LAMC3: variants seen among roughly 807,000 people sequenced by gnomAD.
The protein encoded by LAMC3 is laminin subunit gamma 3.
LAMC3 carries 128 observed loss-of-function variants against 173.8 expected under a neutral mutation model. The observed-to-expected ratio is 0.74, with a 90% CI of 0.64 to 0.85. The LOEUF (loss-of-function observed/expected upper bound fraction) is 0.85, where lower values mean the gene tolerates loss of function less well. Ranked by LOEUF, LAMC3 falls within the 40% of genes least tolerant of loss-of-function variation. LAMC3 has a pLI of 0.00. For synonymous variants in LAMC3, 897 were observed against 909.1 expected (o/e 0.99, Z 0.24); for missense variants, 2,022 against 2,156.0 (o/e 0.94, Z 1.23).
chr9:131,044,809 A>C (rs1437006133), intron 7 of LAMC3, among the ~76,000 whole-genome samples: 1 of 152,234 alleles, frequency 6.6e-6, no homozygotes, highest in Non-Finnish European at 1.5e-5. Context: ...AGTGGCAGAC[A>C]AGGAAAGACT....
chr9:131,077,409 G>T, intron 22 of LAMC3, 75 bp downstream of exon 22: 1 of 1,576,254 alleles, frequency 6.3e-7, no homozygotes, highest in Admixed American at 1.7e-5. Flanking sequence ...GGGCACGGTG[G>T]CTCACGCCTG....
At chr9:131,039,863 G>A (rs1834015620) in intron 6 of LAMC3, among the ~76,000 whole-genome samples, 1 of 151,930 alleles carries the variant, frequency 6.6e-6, no homozygotes, top group Non-Finnish European at 1.5e-5. Flanking sequence ...ACCGAGTTTG[G>A]TACCTAGTGG....
At chr9:131,022,403 T>C (rs537237155) in intron 1 of LAMC3, among the ~76,000 whole-genome samples, 1 of 151,858 alleles carries the variant, frequency 6.6e-6, no homozygotes, top group East Asian at 2.0e-4. Flanking sequence ...ACAGCTATCA[T>C]AACACCACAA....
At position 131,052,903 on chromosome 9, in the gene LAMC3, A is replaced by G. The variant is rs1834324523; in HGVS notation, c.1877A>G (p.Gln626Arg). 6.2e-7 allele frequency: 1 copy of G among 1,610,440 alleles called. No individual in the cohort carries two copies. The highest frequency in any genetic ancestry group is 8.5e-7 in the Non-Finnish European group (1 of 1,179,468). The stretch of plus-strand genomic sequence containing the variant: ...CCTCCACTGCCCCCCTTCCACTTCC[A>G]GCGGCTCCTCGCCAACCTGACCAGC... ...VAPPLPPFHFQRLLANLTSLR... is the reference protein window; with the variant it reads ...VAPPLPPFHFRRLLANLTSLR... Residue 626 changes from glutamine to arginine, a missense_variant, in exon 11 of 28, where the codon CAG becomes CGG. Coordinates refer to ENST00000361069, the MANE Select transcript of LAMC3 (RefSeq NM_006059.4).
rs1268963144 is a variant in LAMC3 at position 131,029,293 on chromosome 9, T to C, written c.678+2704T>C. On this transcript the variant is annotated intron_variant, in intron 2 of 27. Transcript: ENST00000361069. This position sits in a 1 kb window ranked among gnomAD's most constrained non-coding sequence, Gnocchi z 4.6. ...CCCACTAAAATTGTACATGTCACCA[T>C]GATTTTATTTAAAAATTACAATTTC... 6.6e-6 allele frequency among the ~76,000 whole-genome samples: 1 copy of C among 152,240 alleles called. No individual in the cohort carries two copies. Among genetic ancestry groups the C allele is most frequent in the Admixed American group, 6.5e-5 (1 of 15,284 alleles).
chr9:131,017,154 C>T (rs538559749), intron 1 of LAMC3, among the ~76,000 whole-genome samples: 358 of 152,218 alleles, frequency 2.4e-3, no homozygotes, highest in African/African-American at 8.1e-3. Flanking sequence ...GATGTGTATT[C>T]GCTAAAGGAT....
intron 9 of LAMC3, among the ~76,000 whole-genome samples, chr9:131,051,005 G>A (rs145495961): frequency 2.8e-3 from 429 of 152,278 alleles, no homozygotes; most frequent in Non-Finnish European, 5.0e-3. Context: ...ACCAGCTCCC[G>A]GGGCTCCCCG....
chr9:131,032,523 TCTCTCTCGCTGTCTCTCTCTCTTG>T (rs1833847660), intron 3 of LAMC3, among the ~76,000 whole-genome samples: 1 of 147,222 alleles, frequency 6.8e-6, no homozygotes, highest in Non-Finnish European at 1.5e-5. Flanking sequence ...TCTCTCTTGC[TCTCTCTCGCTGTCTCTCTCTCTTG>T]CTCTCTCTCG....
chr9:131,038,191 A>G (rs1333152600), intron 4 of LAMC3, among the ~76,000 whole-genome samples: 1 of 152,018 alleles, frequency 6.6e-6, no homozygotes, highest in Non-Finnish European at 1.5e-5. Context: ...GCCTTGTCCC[A>G]CCACCCCAGC....
rs897843135 is a variant in LAMC3 at position 131,036,327 on chromosome 9, G to A, written c.971G>A (p.Cys324Tyr). ...ARGTAEAAHECLPCNCSGRSE... is the reference protein window; with the variant it reads ...ARGTAEAAHEYLPCNCSGRSE... ...GGCACCGCCGAGGCTGCCCACGAGT[G>A]TCTGCGTGAGTGTCTGAGTGTCACA... Residue 324 changes from cysteine (C) to tyrosine (Y), a missense_variant, in exon 4 of 28, where the codon TGT (cysteine) becomes TAT (tyrosine). Coordinates refer to ENST00000361069, the MANE Select transcript of LAMC3 (RefSeq NM_006059.4). The A allele has an allele frequency of 9.9e-6, 16 of 1,612,632 alleles. No homozygotes were observed. The African/African-American group carries it at 1.6e-4, about 16-fold the overall frequency.
chr9:131,054,209 C>T (rs1401007053), intron 11 of LAMC3, among the ~76,000 whole-genome samples: 2 of 152,122 alleles, frequency 1.3e-5, no homozygotes, highest in Non-Finnish European at 2.9e-5. Flanking sequence ...AACATGTCCT[C>T]AGATTTGCTT....
chr9:131,039,110 C>G, intron 5 of LAMC3, 21 bp from the exon 6 acceptor site: 1 of 1,611,720 alleles, frequency 6.2e-7, no homozygotes, highest in Non-Finnish European at 8.5e-7. Context: ...CCTCAATTGC[C>G]CTGTGCCCTT....
chr9:131,092,009 C>G lies in LAMC3; in HGVS notation c.*222C>G. 1 of 603,612 alleles carries G rather than the reference C, an allele frequency of 1.7e-6. No homozygotes were observed. Among genetic ancestry groups the G allele is most frequent in the South Asian group, 2.0e-5 (1 of 51,106 alleles). The allele number at this position is 603,612 out of a possible 1,614,324, so 37.4% of individuals were successfully genotyped here. On this transcript the variant is annotated 3_prime_UTR_variant, in exon 28 of 28. Transcript: ENST00000361069. ...CAGTTCACCTGGACATGAGTGCACA[C>G]TCTCACCCCTGCACATGCATAAACG...
chr9:131,028,155 G>A (rs982834021), intron 2 of LAMC3, among the ~76,000 whole-genome samples: 6 of 151,722 alleles, frequency 4.0e-5, no homozygotes, highest in African/African-American at 9.7e-5. Flanking sequence ...GATCAGCTGC[G>A]GCATCAGATT....
intron 1 of LAMC3, among the ~76,000 whole-genome samples, chr9:131,015,324 G>A (rs376630797): frequency 1.3e-5 from 2 of 152,096 alleles, no homozygotes; most frequent in Non-Finnish European, 2.9e-5. Flanking sequence ...CAGCAGTGCC[G>A]CCGTCCTCCC....
At chr9:131,031,884 C>T (rs1192469532) in intron 2 of LAMC3, among the ~76,000 whole-genome samples, 161 bp from the exon 3 acceptor site, 39 of 152,324 alleles carry the variant, frequency 2.6e-4, no homozygotes, top group Admixed American at 2.6e-3. Flanking sequence ...CAAAGCACAG[C>T]CTCCTTATTT....
At chr9:131,011,365 C>A (rs968340518) in intron 1 of LAMC3, among the ~76,000 whole-genome samples, 2 of 152,198 alleles carry the variant, frequency 1.3e-5, no homozygotes, top group African/African-American at 2.4e-5. Flanking sequence ...GCTAAGTGAG[C>A]ATCTGAGCGT....
In LAMC3 at chr9:131,041,655, C is replaced by T. The variant is rs375707749; in HGVS notation, c.1302C>T (p.Pro434=). ...TTGGCAGACCCTGCACTTGCAATCCCGCTGGCAGCCTGGACACCTGTGACC... is the reference window on the plus strand; with the variant it reads ...TTGGCAGACCCTGCACTTGCAATCCTGCTGGCAGCCTGGACACCTGTGACC... ...EGGCRPCTCN[P]AGSLDTCDPR... is the part of the protein sequence containing the mutation. Residue 434 remains proline (P), a synonymous_variant, in exon 7 of 28, where the codon CCC becomes CCT. Transcript: ENST00000361069. 8.1e-5 allele frequency: 131 copies of T among 1,614,094 alleles called. 1 individual carries two copies. The African/African-American group carries it at 8.9e-4, about 11-fold the overall frequency.
At chr9:131,045,498 G>C in intron 7 of LAMC3, 26 bp from the exon 8 acceptor site, 1 of 1,612,702 alleles carries the variant, frequency 6.2e-7, no homozygotes, top group African/African-American at 1.3e-5. Context: ...CGTGGCCCTC[G>C]TGGGCATGTC....
Sources: gnomAD v4.1 joint callset for allele counts (sites outside exome capture counted in the v4.1 genomes callset) on GRCh38, gnomAD v4.1.1 for gene constraint, Gnocchi (gnomAD v3.1) non-coding constraint, MANE v1.5 for transcripts, NCBI Gene and HGNC (gene_info 2026-07-23, HGNC 2026-07-21) for gene names.